DYNC1I1: variants seen among roughly 807,000 people sequenced by gnomAD.
The protein encoded by DYNC1I1 is cytoplasmic dynein 1 intermediate chain 1.
A neutral mutation model predicts 86.6 loss-of-function variants in DYNC1I1; 43 were observed. The ratio of observed to expected loss-of-function variants is 0.50; its 90% CI spans 0.39 to 0.64. The LOEUF is 0.64. Ranked by LOEUF, DYNC1I1 falls within the 30% of genes least tolerant of loss-of-function variation. The pLI, the probability that DYNC1I1 is intolerant of heterozygous loss-of-function variation, is 0.00. For synonymous variants in DYNC1I1, 262 were observed against 283.7 expected, an observed-to-expected ratio of 0.92 and a Z score of 0.77; for missense variants, 604 against 788.8, an observed-to-expected ratio of 0.77 and a Z score of 2.81.
chr7:96,100,679 T>TGA (rs1791121574), downstream of DYNC1I1, among the ~76,000 whole-genome samples: 1 of 150,850 alleles, frequency 6.6e-6, no homozygotes, highest in Admixed American at 6.6e-5. Flanking sequence ...TGTGTGTGTG[T>TGA]GTGGTAAGGA....
chr7:95,843,238 C>G (rs1424629704), intron 5 of DYNC1I1, among the ~76,000 whole-genome samples: 3 of 152,186 alleles, frequency 2.0e-5, no homozygotes, highest in African/African-American at 7.2e-5. Context: ...ATGTACTGAT[C>G]AATGCTGAGC....
At chr7:95,810,371 C>T in intron 2 of DYNC1I1, 21 bp from the exon 3 acceptor site, 2 of 1,575,414 alleles carry the variant, frequency 1.3e-6, no homozygotes, top group East Asian at 2.3e-5. Flanking sequence ...ATTAACTTTT[C>T]TTACTGACGT....
At chr7:95,844,956 T>C (rs1387556956) in intron 5 of DYNC1I1, among the ~76,000 whole-genome samples, 1 of 152,198 alleles carries the variant, frequency 6.6e-6, no homozygotes, top group African/African-American at 2.4e-5. Flanking sequence ...TAGTATAATT[T>C]TGGGAAATGG....
At chr7:96,034,275 T>G (rs1353184908) in intron 12 of DYNC1I1, among the ~76,000 whole-genome samples, 2 of 152,186 alleles carry the variant, frequency 1.3e-5, no homozygotes, top group African/African-American at 4.8e-5. Context: ...CTTAAAATTC[T>G]CAGCAATGTT....
At chr7:95,832,418 G>A (rs1046955262) in intron 5 of DYNC1I1, among the ~76,000 whole-genome samples, 214 of 151,702 alleles carry the variant, frequency 1.4e-3, no homozygotes, top group Middle Eastern at 0.01. Flanking sequence ...GAATAGTGCC[G>A]CAATAAACAT....
chr7:95,850,411 T>C (rs1789545669), intron 5 of DYNC1I1, among the ~76,000 whole-genome samples: 2 of 152,194 alleles, frequency 1.3e-5, no homozygotes, highest in South Asian at 4.1e-4. Flanking sequence ...GTTTTTATCA[T>C]GAAAGGGTAT....
intron 1 of DYNC1I1, among the ~76,000 whole-genome samples, chr7:95,793,124 G>A (rs577986065): frequency 6.4e-4 from 98 of 152,202 alleles, no homozygotes; most frequent in African/African-American, 2.2e-3. Flanking sequence ...TCATCAGGGC[G>A]CAAGTTTAGC....
At chr7:95,906,762 T>C (rs1430127081) in intron 6 of DYNC1I1, among the ~76,000 whole-genome samples, 1 of 152,162 alleles carries the variant, frequency 6.6e-6, no homozygotes, top group East Asian at 1.9e-4. Context: ...AGCCCCATTA[T>C]CAAGCAACCT....
chr7:95,983,212 C>T (rs887826561), intron 7 of DYNC1I1, among the ~76,000 whole-genome samples: 30 of 152,098 alleles, frequency 2.0e-4, no homozygotes, highest in African/African-American at 7.2e-4. Context: ...GTCTCAGCAG[C>T]ACTGCTCAGT....
chr7:95,908,758 A>G (rs1239026655), intron 6 of DYNC1I1, among the ~76,000 whole-genome samples: 1 of 152,134 alleles, frequency 6.6e-6, no homozygotes, highest in Non-Finnish European at 1.5e-5. Flanking sequence ...GCTTAGATAC[A>G]TGGAGAGCAG....
At chr7:96,043,167 CAA>C (rs111888029) in intron 14 of DYNC1I1, among the ~76,000 whole-genome samples, 11 of 63,466 alleles carry the variant, frequency 1.7e-4, no homozygotes, top group Admixed American at 3.7e-4. Context: ...GACTCCATCT[CAA>C]AAAAAAAAAA....
intron 14 of DYNC1I1, among the ~76,000 whole-genome samples, chr7:96,042,086 A>C (rs1789068846): frequency 6.6e-6 from 1 of 152,140 alleles, no homozygotes; most frequent in Admixed American, 6.5e-5. Context: ...ATTTTTTTAA[A>C]CTACCAAAAA....
intron 1 of DYNC1I1, among the ~76,000 whole-genome samples, chr7:95,781,242 AC>A (rs1371225045): frequency 2.6e-5 from 4 of 152,230 alleles, no homozygotes; most frequent in Admixed American, 6.5e-5. Flanking sequence ...GAATATTTAC[AC>A]ATTTTCTTGC....
chr7:95,849,498 C>T (rs1331831382), intron 5 of DYNC1I1, among the ~76,000 whole-genome samples: 1 of 152,000 alleles, frequency 6.6e-6, no homozygotes, highest in African/African-American at 2.4e-5. Context: ...TGTGTTCTTG[C>T]CACCTGCATA....
intron 1 of DYNC1I1, among the ~76,000 whole-genome samples, chr7:95,789,435 C>T (rs546260486): frequency 6.6e-5 from 10 of 152,284 alleles, no homozygotes; most frequent in East Asian, 1.9e-4. Context: ...ATTAATCTTT[C>T]GAGAACACCC....
intron 6 of DYNC1I1, among the ~76,000 whole-genome samples, chr7:95,960,619 T>C (rs1485139614): frequency 6.6e-6 from 1 of 152,198 alleles, no homozygotes; most frequent in Non-Finnish European, 1.5e-5. Flanking sequence ...AAAAGAGTGA[T>C]AGAAACTTGA....
At chr7:95,974,646 A>G (rs565247954) in intron 6 of DYNC1I1, among the ~76,000 whole-genome samples, 13 of 152,266 alleles carry the variant, frequency 8.5e-5, no homozygotes, top group South Asian at 2.1e-4. Context: ...GGGGGAATTA[A>G]CACTTCATAT....
intron 5 of DYNC1I1, among the ~76,000 whole-genome samples, chr7:95,847,098 A>T (rs1789452857): frequency 6.6e-6 from 1 of 152,208 alleles, no homozygotes; most frequent in Admixed American, 6.5e-5. Context: ...TTCCAGTTAC[A>T]CCAGTCACTT....
chr7:95,879,151 A>G (rs1389218546), intron 6 of DYNC1I1, among the ~76,000 whole-genome samples: 1 of 152,194 alleles, frequency 6.6e-6, no homozygotes, highest in Non-Finnish European at 1.5e-5. Context: ...ATAGGGAAAA[A>G]CAAAGAGCAC....
Sources: gnomAD v4.1 joint callset for allele counts (sites outside exome capture counted in the v4.1 genomes callset) on GRCh38, gnomAD v4.1.1 for gene constraint, MANE v1.5 for transcripts, NCBI Gene and HGNC (gene_info 2026-07-23, HGNC 2026-07-21) for gene names.